Variants in ACLY observed in about 807,000 individuals in gnomAD.
ACLY encodes the protein ATP citrate lyase.
A neutral mutation model predicts 133.0 loss-of-function variants in ACLY; 41 were observed. That is an observed-to-expected ratio of 0.31 (90% CI 0.24 to 0.40). The LOEUF is 0.40. Ranked by LOEUF, ACLY falls within the 10% of genes least tolerant of loss-of-function variation. ACLY has a pLI of 1.00. For synonymous variants in ACLY, 495 were observed against 549.3 expected (o/e 0.90, Z 1.38); for missense variants, 1,046 against 1,453.8 (o/e 0.72, Z 4.56).
At position 41,867,134 on chromosome 17, in the gene ACLY, AATGT is replaced by A. The variant is rs1309241398; in HGVS notation, c.*672_*675del. On this transcript the variant is annotated 3_prime_UTR_variant, in exon 29 of 29. Coordinates refer to ENST00000352035, the MANE Select transcript of ACLY (RefSeq NM_001096.3). ...CACAGCTTTCTGCATTTCCATTTTA[AATGT>A]ATGTATGTTACAACTTTACATATTA... is the stretch of plus-strand genomic sequence containing the variant. 1 of 152,600 alleles carries A rather than the reference AATGT, an allele frequency of 6.6e-6. No homozygotes were observed. The highest frequency in any genetic ancestry group is 2.4e-5 in the African/African-American group (1 of 41,426). 9.5% of individuals were successfully genotyped at this position (152,600 alleles called of 1,614,324 possible). A position where few individuals can be genotyped will look rare whatever the true frequency, so the allele number is the denominator to read the frequency against.
intron 5 of ACLY, 28 bp downstream of exon 5, chr17:41,909,482 C>A: frequency 6.2e-7 from 1 of 1,607,788 alleles, no homozygotes; most frequent in Non-Finnish European, 8.5e-7. Context: ...TCCGAACTGC[C>A]ACCTCCCTAC....
At chr17:41,909,837 G>T in intron 4 of ACLY, 137 bp from the exon 5 acceptor site, 1 of 772,776 alleles carries the variant, frequency 1.3e-6, no homozygotes. Flanking sequence ...CTAAAACCCA[G>T]TGAAAACCAT....
At chr17:41,896,128 G>A (rs2049359027) in intron 14 of ACLY, among the ~76,000 whole-genome samples, 1 of 152,154 alleles carries the variant, frequency 6.6e-6, no homozygotes, top group Admixed American at 6.5e-5. Flanking sequence ...TGAGGATGAA[G>A]CTGGCAGTGG....
intron 8 of ACLY, 116 bp from the exon 9 acceptor site, chr17:41,905,774 G>T (rs1220611679): frequency 1.2e-5 from 15 of 1,291,358 alleles, no homozygotes; most frequent in Non-Finnish European, 1.1e-5. Flanking sequence ...TGTGGAACCG[G>T]CCTCTTGGAT....
chr17:41,914,404 C>G (rs1198320172), intron 1 of ACLY, among the ~76,000 whole-genome samples: 1 of 152,182 alleles, frequency 6.6e-6, no homozygotes, highest in Non-Finnish European at 1.5e-5. Context: ...CCCCCACACC[C>G]AGATTTACCC....
intron 10 of ACLY, among the ~76,000 whole-genome samples, chr17:41,903,087 C>G (rs1308472117): frequency 6.6e-6 from 1 of 152,204 alleles, no homozygotes; most frequent in African/African-American, 2.4e-5. Context: ...CCACGCCCAG[C>G]CTCTCACTTC....
intron 3 of ACLY, among the ~76,000 whole-genome samples, chr17:41,911,682 G>A (rs996595777): frequency 6.6e-6 from 1 of 151,946 alleles, no homozygotes; most frequent in Admixed American, 6.6e-5. Flanking sequence ...CCTGGATGGT[G>A]GCATGCACCT....
chr17:41,878,694 GAGGGACCAGGA>G (rs1181238809), intron 21 of ACLY, 92 bp downstream of exon 21: 100 of 1,424,408 alleles, frequency 7.0e-5, no homozygotes, highest in Non-Finnish European at 9.5e-5. Context: ...TAGACACCGA[GAGGGACCAGGA>G]ATACATGATG....
intron 2 of ACLY, among the ~76,000 whole-genome samples, chr17:41,913,197 G>A (rs2049954079): frequency 6.6e-6 from 1 of 152,208 alleles, no homozygotes; most frequent in Non-Finnish European, 1.5e-5. Context: ...CTCTATTCCA[G>A]GCTGACCCTC....
intron 28 of ACLY, 100 bp from the exon 29 acceptor site, chr17:41,868,004 G>A: frequency 2.5e-6 from 2 of 805,166 alleles, no homozygotes; most frequent in Non-Finnish European, 3.9e-6. Flanking sequence ...AAAAAAAGTA[G>A]ACACAAAGCA....
intron 12 of ACLY, 96 bp downstream of exon 12, chr17:41,898,535 C>T (rs1403352670): frequency 1.4e-6 from 2 of 1,472,950 alleles, no homozygotes. Flanking sequence ...CGCTGTATTT[C>T]CTCTATGCCC....
chr17:41,923,843 C>T (rs2050210398), upstream of ACLY, among the ~76,000 whole-genome samples: 2 of 152,188 alleles, frequency 1.3e-5, no homozygotes, highest in East Asian at 3.9e-4. Flanking sequence ...GGGAGTCTCA[C>T]CCTGTCACCC....
At chr17:41,917,467 A>G (rs1055049626) in intron 1 of ACLY, among the ~76,000 whole-genome samples, 25 of 152,102 alleles carry the variant, frequency 1.6e-4, no homozygotes, top group African/African-American at 6.0e-4. Flanking sequence ...GTTCACTTTT[A>G]GCAGACACTG....
upstream of ACLY, among the ~76,000 whole-genome samples, chr17:41,919,494 T>A (rs189545397): frequency 8.5e-4 from 129 of 152,286 alleles, 2 homozygotes; most frequent in Middle Eastern, 3.4e-3. Flanking sequence ...GCCTCTCTCC[T>A]CCCTGGACTC....
chr17:41,914,048 A>G, intron 1 of ACLY, 152 bp from the exon 2 acceptor site: 1 of 711,322 alleles, frequency 1.4e-6, no homozygotes, highest in Non-Finnish European at 2.3e-6. Flanking sequence ...TCCCAGCGGG[A>G]GGGATGGAAG....
rs188515480 is a variant in ACLY, at chr17:41,896,140, G to A, written c.1459+480C>T. On this transcript the variant is annotated intron_variant, in intron 14 of 28. Transcript: ENST00000352035. ...GCTTGAGGATGAAGCTGGCAGTGGT[G>A]AAGCCGAGGCAGGAAAGGTGGGAAA... Among the ~76,000 whole-genome samples, 12 of 152,312 alleles carry A rather than the reference G, an allele frequency of 7.9e-5. No homozygotes were observed. In the East Asian group the frequency reaches 2.3e-3, roughly 29 times the overall value.
chr17:41,924,105 G>A (rs770074624), intron 1 of ACLY, among the ~76,000 whole-genome samples: 2 of 151,420 alleles, frequency 1.3e-5, no homozygotes, highest in Non-Finnish European at 2.9e-5. Context: ...CACCACGCCC[G>A]GCCCAGTTCT....
Position 41,909,008 on chromosome 17 carries a change from G to A in ACLY, c.597C>T (p.Tyr199=), listed in dbSNP as rs1423249587. Residue 199 remains tyrosine (Y), a synonymous_variant, in exon 6 of 29, where the codon TAC becomes TAT. Coordinates refer to ENST00000352035, the MANE Select transcript of ACLY (RefSeq NM_001096.3). ...FNFYEDLYFT[Y]LEINPLVVTK... ...AGTTACCAAGGGGATTGATCTCGAG[G>A]TAGGTGAAGTACAAGTCCTCGTAGA... is the stretch of plus-strand genomic sequence containing the variant. The A allele has an allele frequency of 6.2e-6, 10 of 1,613,284 alleles. No individual in the cohort carries two copies. The highest frequency in any genetic ancestry group is 8.5e-6 in the Non-Finnish European group (10 of 1,179,862).
At chr17:41,867,969 A>C in intron 28 of ACLY, 65 bp from the exon 29 acceptor site, 12 of 1,195,190 alleles carry the variant, frequency 1.0e-5, no homozygotes, top group Non-Finnish European at 1.1e-5. Flanking sequence ...GAAGAGGCTA[A>C]GGAAGGGAAA....
Sources: gnomAD v4.1 joint callset for allele counts (sites outside exome capture counted in the v4.1 genomes callset) on GRCh38, gnomAD v4.1.1 for gene constraint, MANE v1.5 for transcripts, NCBI Gene and HGNC (gene_info 2026-07-23, HGNC 2026-07-21) for gene names.